KIT: variants seen among roughly 807,000 people sequenced by gnomAD.
KIT encodes KIT proto-oncogene, receptor tyrosine kinase.
KIT carries 16 observed loss-of-function variants against 105.7 expected under a neutral mutation model. The observed-to-expected ratio is 0.15, with a 90% CI of 0.10 to 0.23. The LOEUF is 0.23. KIT is among the 10% of genes least tolerant of loss of function. The probability of loss-of-function intolerance (pLI) is 1.00; values close to 1 mark genes in which losing one functional copy is unlikely to be tolerated. For synonymous variants in KIT, 438 were observed against 441.1 expected (o/e 0.99, Z 0.09); for missense variants, 858 against 1,213.8 (o/e 0.71, Z 4.36).
At chr4:54,676,727 A>G (rs1718500052) in intron 1 of KIT, among the ~76,000 whole-genome samples, 2 of 152,130 alleles carry the variant, frequency 1.3e-5, no homozygotes, top group South Asian at 4.1e-4. Context: ...AGCCTCCAGT[A>G]TCTCCTTTTG....
At chr4:54,722,507 A>G (rs1424539370) in intron 7 of KIT, among the ~76,000 whole-genome samples, 1 of 152,112 alleles carries the variant, frequency 6.6e-6, no homozygotes, top group African/African-American at 2.4e-5. Context: ...TCCACTATGC[A>G]TGGGGCTCCC....
At chr4:54,693,892 C>T (rs1719879783) in intron 1 of KIT, among the ~76,000 whole-genome samples, 1 of 152,162 alleles carries the variant, frequency 6.6e-6, no homozygotes, top group Non-Finnish European at 1.5e-5. Context: ...CTTCCTCTGA[C>T]AATCTATAGT....
intron 20 of KIT, among the ~76,000 whole-genome samples, chr4:54,737,683 T>C (rs1318290272): frequency 6.6e-6 from 1 of 152,206 alleles, no homozygotes; most frequent in Non-Finnish European, 1.5e-5. Context: ...AGACAGCTTG[T>C]TACTGCAGTG....
At chr4:54,707,656 C>A (rs1456543580) in intron 6 of KIT, among the ~76,000 whole-genome samples, 1 of 152,190 alleles carries the variant, frequency 6.6e-6, no homozygotes, top group Non-Finnish European at 1.5e-5. Context: ...TGTAAGAAAA[C>A]TAAGAGCCAA....
chr4:54,689,570 T>C (rs1719550337), intron 1 of KIT, among the ~76,000 whole-genome samples: 1 of 152,164 alleles, frequency 6.6e-6, no homozygotes, highest in African/African-American at 2.4e-5. Context: ...ATGACATGAA[T>C]TAAAACAACA....
Position 54,740,676 on chromosome 4 carries a change from G to T in KIT, c.*2119G>T, listed in dbSNP as rs1723193148. The T allele has an allele frequency of 4.3e-6, 1 of 231,670 alleles. No homozygotes were observed. Among genetic ancestry groups the T allele is most frequent in the South Asian group, 1.8e-4 (1 of 5,522 alleles). The allele number at this position is 231,670 out of a possible 1,614,324, so 14.4% of individuals were successfully genotyped here. On this transcript the variant is annotated 3_prime_UTR_variant, in exon 21 of 21. Coordinates refer to ENST00000288135, the MANE Select transcript of KIT (RefSeq NM_000222.3). Reference sequence around the variant, plus strand: ...CCTGTATGTTGTCCAATTGTTGACAGTTCTGAAGAATTCTAATAAAATGTA... The same window carrying T: ...CCTGTATGTTGTCCAATTGTTGACATTTCTGAAGAATTCTAATAAAATGTA...
At chr4:54,714,644 T>A (rs1721353220) in intron 7 of KIT, among the ~76,000 whole-genome samples, 5 of 152,188 alleles carry the variant, frequency 3.3e-5, no homozygotes, top group Admixed American at 1.3e-4. Context: ...TTGGAATAAT[T>A]TTAAGAAGAT....
chr4:54,727,973 G>C (rs777178467), intron 12 of KIT, 38 bp from the exon 13 acceptor site: 18 of 1,612,636 alleles, frequency 1.1e-5, no homozygotes, highest in African/African-American at 2.7e-5. Context: ...CAGTTTGCCA[G>C]TTGTGCTTTT....
intron 1 of KIT, among the ~76,000 whole-genome samples, chr4:54,684,603 C>T (rs1280056633): frequency 6.6e-6 from 1 of 152,094 alleles, no homozygotes; most frequent in Non-Finnish European, 1.5e-5. Context: ...AGGCACTGTC[C>T]CCCACACTCA....
At chr4:54,713,436 G>C (rs924533387) in intron 7 of KIT, among the ~76,000 whole-genome samples, 27 of 152,028 alleles carry the variant, frequency 1.8e-4, no homozygotes, top group African/African-American at 6.5e-4. Flanking sequence ...CATCATTTTA[G>C]CTGAGCCAGT....
intron 1 of KIT, among the ~76,000 whole-genome samples, chr4:54,676,295 TA>T (rs1718464207): frequency 6.6e-6 from 1 of 152,174 alleles, no homozygotes; most frequent in Admixed American, 6.5e-5. Flanking sequence ...CCATCTGTTT[TA>T]ACAAGCTCTC....
At position 54,736,835 on chromosome 4, in the gene KIT, A is replaced by G. The variant is rs767460329; in HGVS notation, c.2696+15A>G. The G allele has an allele frequency of 9.3e-6, 15 of 1,609,878 alleles. No homozygotes were observed. The Admixed American group carries it at 2.5e-4, about 27-fold the overall frequency. ...CCTGCTGAAATGTAAGAGCCAAAAA[A>G]TTTTTCCTTTAGGTCACGTTTTCCC... On this transcript the variant is annotated intron_variant, in intron 19 of 20. Transcript: ENST00000288135.
At chr4:54,733,035 T>G in intron 16 of KIT, 35 bp from the exon 17 acceptor site, 1 of 1,594,648 alleles carries the variant, frequency 6.3e-7, no homozygotes, top group Non-Finnish European at 8.6e-7. Context: ...TTAAAATGAA[T>G]TTAAATGGTT....
At chr4:54,726,809 A>G (rs891854264) in intron 9 of KIT, among the ~76,000 whole-genome samples, 3 of 151,608 alleles carry the variant, frequency 2.0e-5, no homozygotes, top group African/African-American at 7.3e-5. Flanking sequence ...TGTGAAAGAC[A>G]TTCATGCTCA....
intron 1 of KIT, among the ~76,000 whole-genome samples, chr4:54,693,876 T>C (rs1719878460): frequency 6.6e-6 from 1 of 152,170 alleles, no homozygotes; most frequent in African/African-American, 2.4e-5. Flanking sequence ...ATCCCGCTGA[T>C]ATGGCCTTCC....
chr4:54,709,965 G>A (rs572040299), intron 7 of KIT, among the ~76,000 whole-genome samples: 1 of 152,176 alleles, frequency 6.6e-6, no homozygotes, highest in African/African-American at 2.4e-5. Context: ...AGGCTGTGAT[G>A]TTACTTGTGT....
rs778078182 is a variant in KIT, at chr4:54,736,752, T to G, written c.2628T>G (p.Asp876Glu). 6.2e-7 allele frequency: 1 copy of G among 1,614,134 alleles called. No homozygotes were observed. The highest frequency in any genetic ancestry group is 8.5e-7 in the Non-Finnish European group (1 of 1,179,968). Residue 876 changes from aspartate (D) to glutamate (E), a missense_variant, in exon 19 of 21, where the codon GAT becomes GAG. Physicochemically the swap from Asp to Glu is conservative, Grantham distance 45. Coordinates refer to ENST00000288135, the MANE Select transcript of KIT (RefSeq NM_000222.3). The stretch of plus-strand genomic sequence containing the variant: ...GCCCCTATCCTGGAATGCCGGTCGA[T>G]TCTAAGTTCTACAAGATGATCAAGG... ...GSSPYPGMPV[D>E]SKFYKMIKEG...
At chr4:54,706,392 G>A (rs1174491493) in intron 5 of KIT, among the ~76,000 whole-genome samples, 2 of 151,910 alleles carry the variant, frequency 1.3e-5, no homozygotes, top group Non-Finnish European at 2.9e-5. Flanking sequence ...TTAATTACTA[G>A]TTTAGCTAAA....
At chr4:54,722,667 C>T (rs1204037559) in intron 7 of KIT, among the ~76,000 whole-genome samples, 3 of 151,784 alleles carry the variant, frequency 2.0e-5, no homozygotes, top group East Asian at 1.9e-4. Flanking sequence ...TCAGAACCAC[C>T]GAGTATAAGT....
Sources: gnomAD v4.1 joint callset for allele counts (sites outside exome capture counted in the v4.1 genomes callset) on GRCh38, gnomAD v4.1.1 for gene constraint, MANE v1.5 for transcripts, NCBI Gene and HGNC (gene_info 2026-07-23, HGNC 2026-07-21) for gene names.